Variants in LRTM3 observed in about 807,000 individuals in gnomAD.
LRTM3 encodes leucine rich repeat transmembrane protein 3.
chr13:102,755,136 G>C, the LRTM3 span, among the ~76,000 whole-genome samples: 10 of 152,114 alleles, frequency 6.6e-5, no homozygotes, highest in African/African-American at 2.4e-4. Flanking sequence ...GATACTGAGT[G>C]GTGGTCTCAT....
chr13:102,755,965 T>TATATACATATA, the LRTM3 span, among the ~76,000 whole-genome samples: 7 of 123,240 alleles, frequency 5.7e-5, no homozygotes, highest in East Asian at 2.3e-4. Context: ...ATATATATTT[T>TATATACATATA]TTTTTTTTCC....
the LRTM3 span, chr13:102,736,497 A>G: frequency 6.4e-7 from 1 of 1,550,976 alleles, no homozygotes; most frequent in African/African-American, 1.4e-5. Flanking sequence ...GTTTGCCTTG[A>G]AGGCAATGAT....
the LRTM3 span, chr13:102,729,908 T>C: frequency 6.4e-7 from 1 of 1,552,012 alleles, no homozygotes. Context: ...CTTGCCTTGG[T>C]TTTTTGCAAG....
the LRTM3 span, among the ~76,000 whole-genome samples, chr13:102,758,225 T>C: frequency 6.6e-6 from 1 of 152,320 alleles, no homozygotes; most frequent in Non-Finnish European, 1.5e-5. Flanking sequence ...ATTTCAATAA[T>C]ATACGAAAAG....
chr13:102,731,262 GT>G, the LRTM3 span: 1 of 1,551,142 alleles, frequency 6.4e-7, no homozygotes, highest in East Asian at 2.4e-5. Flanking sequence ...TTTGAGTTAG[GT>G]TCTATGGTAT....
the LRTM3 span, among the ~76,000 whole-genome samples, chr13:102,753,819 C>T: frequency 3.3e-5 from 5 of 152,186 alleles, no homozygotes; most frequent in African/African-American, 9.7e-5. Flanking sequence ...CTCTCCAACA[C>T]CTGTTCTACC....
At chr13:102,744,912 C>T in the LRTM3 span, 15 of 1,550,570 alleles carry the variant, frequency 9.7e-6, no homozygotes, top group South Asian at 7.1e-5. Context: ...TTGTGCTGTT[C>T]CCCCATACAT....
At chr13:102,740,539 G>T in the LRTM3 span, 1 of 1,549,514 alleles carries the variant, frequency 6.5e-7, no homozygotes, top group Non-Finnish European at 8.7e-7. Context: ...GGCCTGTTTT[G>T]AGTAAGTCTT....
the LRTM3 span, chr13:102,731,262 G>A: frequency 6.4e-7 from 1 of 1,551,260 alleles, no homozygotes; most frequent in African/African-American, 1.4e-5. Flanking sequence ...TTTGAGTTAG[G>A]TTCTATGGTA....
At chr13:102,741,553 T>A in the LRTM3 span, 1 of 1,550,304 alleles carries the variant, frequency 6.5e-7, no homozygotes, top group Non-Finnish European at 8.7e-7. Context: ...TTACCTTTCC[T>A]GTGTTTTCCA....
At chr13:102,741,643 C>T in the LRTM3 span, 1 of 1,550,390 alleles carries the variant, frequency 6.4e-7, no homozygotes, top group Non-Finnish European at 8.7e-7. Flanking sequence ...GCAATTCTTG[C>T]TCCTGGCAAG....
chr13:102,747,176 A>C, the LRTM3 span: 2 of 1,550,658 alleles, frequency 1.3e-6, no homozygotes, highest in Admixed American at 2.0e-5. Flanking sequence ...TTCCCTTTCA[A>C]TTTGGGATTC....
the LRTM3 span, chr13:102,758,409 C>T: frequency 6.5e-7 from 1 of 1,527,002 alleles, no homozygotes; most frequent in Non-Finnish European, 8.9e-7. Flanking sequence ...ATATCACATA[C>T]CTTTCTCCTG....
the LRTM3 span, chr13:102,732,678 G>A: frequency 1.3e-6 from 2 of 1,551,184 alleles, no homozygotes; most frequent in Non-Finnish European, 1.7e-6. Flanking sequence ...AGATGCGGGT[G>A]TGCACTACTG....
the LRTM3 span, chr13:102,745,087 C>A: frequency 6.4e-7 from 1 of 1,550,856 alleles, no homozygotes; most frequent in South Asian, 1.2e-5. Context: ...GCTCTGCAGG[C>A]TGAAGTTGCT....
chr13:102,753,973 G>A, the LRTM3 span, among the ~76,000 whole-genome samples: 1 of 152,108 alleles, frequency 6.6e-6, no homozygotes, highest in African/African-American at 2.4e-5. Flanking sequence ...GTCTCTGGGA[G>A]GCCGAAGCAG....
chr13:102,743,586 C>T, the LRTM3 span: 3 of 1,550,068 alleles, frequency 1.9e-6, no homozygotes, highest in Non-Finnish European at 2.6e-6. Context: ...TTTTTAGAGT[C>T]AGATAAAACA....
chr13:102,744,292 A>C, the LRTM3 span: 1 of 1,550,544 alleles, frequency 6.4e-7, no homozygotes, highest in Non-Finnish European at 8.7e-7. Flanking sequence ...TTTCATATTC[A>C]GATGACATGA....
the LRTM3 span, chr13:102,733,936 G>C: frequency 6.4e-7 from 1 of 1,551,294 alleles, no homozygotes; most frequent in Non-Finnish European, 8.7e-7. Flanking sequence ...AGGGTACATG[G>C]AGAGTTCGCT....
Sources: gnomAD v4.1 joint callset for allele counts (sites outside exome capture counted in the v4.1 genomes callset) on GRCh38, gnomAD v4.1.1 for gene constraint, MANE v1.5 for transcripts, NCBI Gene and HGNC (gene_info 2026-07-23, HGNC 2026-07-21) for gene names.